Variants in CYP20A1 observed in about 807,000 individuals in gnomAD.
The protein encoded by CYP20A1 is cytochrome P450 family 20 subfamily A member 1, also known as cytochrome P450 20A1.
Under a neutral mutation model 61.4 loss-of-function variants are expected in CYP20A1, and 61 were observed. That is an observed-to-expected ratio of 0.99 (90% CI 0.81 to 1.23). CYP20A1 has a LOEUF of 1.23. Ranked by LOEUF, CYP20A1 falls within the 50% of genes most tolerant of loss-of-function variation. CYP20A1 has a pLI of 0.00. For missense variants in CYP20A1, 530 were observed against 542.4 expected (o/e 0.98, Z 0.23); for synonymous variants, 193 against 188.2 (o/e 1.03, Z -0.21).
Position 203,298,782 on chromosome 2 carries a change from C to G in CYP20A1, c.*1874C>G, listed in dbSNP as rs1320467588. Among the ~76,000 whole-genome samples the G allele has an allele frequency of 2.0e-5, 3 of 151,572 alleles. No individual in the cohort carries two copies. Among genetic ancestry groups the G allele is most frequent in the Non-Finnish European group, 4.4e-5 (3 of 67,932 alleles). On this transcript the variant is annotated 3_prime_UTR_variant, in exon 13 of 13. Coordinates refer to ENST00000356079, the MANE Select transcript of CYP20A1 (RefSeq NM_177538.3). ...GGGCACGGTAGCTCATGCCTGTTATCCTAACACTTTGGGAAGCCGACATGG... is the reference window on the plus strand; with the variant it reads ...GGGCACGGTAGCTCATGCCTGTTATGCTAACACTTTGGGAAGCCGACATGG...
rs1044293931 is a variant in CYP20A1, at chr2:203,304,062, A to G, written c.*7154A>G. 3.3e-5 allele frequency among the ~76,000 whole-genome samples: 5 copies of G among 151,904 alleles called. No individual in the cohort carries two copies. On this transcript the variant is annotated 3_prime_UTR_variant, in exon 13 of 13. Coordinates refer to ENST00000356079, the MANE Select transcript of CYP20A1 (RefSeq NM_177538.3). The stretch of plus-strand genomic sequence containing the variant: ...TGGGGAAACCGCATCTCTACTAAAA[A>G]TACAAAAATTAGTGGGTGTGGAGGC...
intron 1 of CYP20A1, among the ~76,000 whole-genome samples, chr2:203,243,654 G>A: frequency 6.6e-6 from 1 of 151,086 alleles, no homozygotes; most frequent in Non-Finnish European, 1.5e-5. Flanking sequence ...AAAGTACTGG[G>A]ATTACAGGTA....
At position 203,304,312 on chromosome 2, in the gene CYP20A1, C is replaced by T. The variant is rs2069140553; in HGVS notation, c.*7404C>T. 6.6e-6 allele frequency among the ~76,000 whole-genome samples: 1 copy of T among 152,162 alleles called. No homozygotes were observed. The highest frequency in any genetic ancestry group is 1.5e-5 in the Non-Finnish European group (1 of 68,020). ...TCCCCAGTTCAAGCGATTCTCCTGC[C>T]TCAGCCTCCCGAGTAGCTGCGACTA... is the stretch of plus-strand genomic sequence containing the variant. On this transcript the variant is annotated 3_prime_UTR_variant, in exon 13 of 13. Coordinates refer to ENST00000356079, the MANE Select transcript of CYP20A1 (RefSeq NM_177538.3).
At chr2:203,283,084 G>A (rs970499320) in intron 8 of CYP20A1, among the ~76,000 whole-genome samples, 1 of 151,866 alleles carries the variant, frequency 6.6e-6, no homozygotes, top group Admixed American at 6.6e-5. Flanking sequence ...GCTGAGGTGG[G>A]AGGATCAATT....
Position 203,302,978 on chromosome 2 carries a change from A to G in CYP20A1, c.*6070A>G, listed in dbSNP as rs916009728. On this transcript the variant is annotated 3_prime_UTR_variant, in exon 13 of 13. Coordinates refer to ENST00000356079, the MANE Select transcript of CYP20A1 (RefSeq NM_177538.3). ...AGTGCTGGGATTACAAGCATGAGCC[A>G]CCGCGCTCGGTCCCTTTCTTTTTAT... 6.6e-6 allele frequency among the ~76,000 whole-genome samples: 1 copy of G among 151,636 alleles called. No individual in the cohort carries two copies. Among genetic ancestry groups the G allele is most frequent in the Non-Finnish European group, 1.5e-5 (1 of 67,966 alleles).
chr2:203,248,735 C>T (rs187837062), intron 3 of CYP20A1, among the ~76,000 whole-genome samples: 6 of 152,246 alleles, frequency 3.9e-5, no homozygotes, highest in Admixed American at 1.3e-4. Context: ...CCCCCCGCCC[C>T]GCCCAGCTTT....
chr2:203,292,099 A>G (rs534243585), intron 10 of CYP20A1, among the ~76,000 whole-genome samples, 163 bp from the exon 11 acceptor site: 4 of 152,318 alleles, frequency 2.6e-5, no homozygotes, highest in African/African-American at 9.6e-5. Flanking sequence ...GGCCTTCCTC[A>G]TTGTAAGATC....
At position 203,303,684 on chromosome 2, in the gene CYP20A1, A is replaced by T. The variant is rs757318295; in HGVS notation, c.*6776A>T. Among the ~76,000 whole-genome samples the T allele has an allele frequency of 1.3e-5, 2 of 151,710 alleles. No homozygotes were observed. The highest frequency in any genetic ancestry group is 2.9e-5 in the Non-Finnish European group (2 of 67,922). On this transcript the variant is annotated 3_prime_UTR_variant, in exon 13 of 13. Transcript: ENST00000356079. Reference sequence around the variant, plus strand: ...CACTCCAGTGTGGGTGACGAGCGAAAATCCGTCTCAACCAAGAAAAAAGAA... The same window carrying T: ...CACTCCAGTGTGGGTGACGAGCGAATATCCGTCTCAACCAAGAAAAAAGAA...
Position 203,252,109 on chromosome 2 carries a change from G to A in CYP20A1, c.432G>A (p.Lys144=). ...AGAGTAACTTTGCCCTCCTCCTAAAGGTAAGGTGATAAGTAGTTTGGTCTA... is the reference window on the plus strand; with the variant it reads ...AGAGTAACTTTGCCCTCCTCCTAAAAGTAAGGTGATAAGTAGTTTGGTCTA... The part of the protein sequence containing the change: ...SLKSNFALLL[K]LSEELLDKWL... The change falls in exon 4 of 13, where the codon AAG becomes AAA. Residue 144 remains lysine (K), a splice_region_variant and synonymous_variant. Transcript: ENST00000356079. 2 of 1,604,034 alleles carry A rather than the reference G, an allele frequency of 1.2e-6. No individual in the cohort carries two copies. The highest frequency in any genetic ancestry group is 8.5e-7 in the Non-Finnish European group (1 of 1,174,470).
intron 6 of CYP20A1, among the ~76,000 whole-genome samples, chr2:203,273,269 G>A (rs1235393690): frequency 1.3e-5 from 2 of 152,170 alleles, no homozygotes; most frequent in Non-Finnish European, 2.9e-5. Flanking sequence ...TGAGAGTGTT[G>A]TAGAGCTGGT....
chr2:203,285,023 C>T (rs527274245), intron 8 of CYP20A1, among the ~76,000 whole-genome samples: 1 of 152,134 alleles, frequency 6.6e-6, no homozygotes, highest in South Asian at 2.1e-4. Context: ...GTGATCCCCT[C>T]CGTGTGATCC....
intron 8 of CYP20A1, among the ~76,000 whole-genome samples, chr2:203,283,406 C>T (rs752311163): frequency 3.3e-5 from 5 of 150,628 alleles, no homozygotes; most frequent in African/African-American, 9.8e-5. Flanking sequence ...TTAGTAGAGA[C>T]GAGGTTTCAC....
intron 6 of CYP20A1, among the ~76,000 whole-genome samples, chr2:203,274,382 C>T (rs1033966836): frequency 5.9e-5 from 9 of 151,908 alleles, no homozygotes; most frequent in Non-Finnish European, 1.2e-4. Flanking sequence ...GATGGGGTTT[C>T]GCCATGTTGG....
intron 4 of CYP20A1, among the ~76,000 whole-genome samples, chr2:203,257,860 C>T (rs769464607): frequency 3.5e-5 from 2 of 56,620 alleles, no homozygotes; most frequent in East Asian, 7.1e-4. Flanking sequence ...TATTTTGATA[C>T]AGACATACAA....
At chr2:203,240,606 C>G (rs1437435027) in intron 1 of CYP20A1, among the ~76,000 whole-genome samples, 1 of 152,118 alleles carries the variant, frequency 6.6e-6, no homozygotes. Context: ...TGAGTAGAAA[C>G]GCGAAGAAGG....
Position 203,304,672 on chromosome 2 carries a change from A to C in CYP20A1, c.*7764A>C, listed in dbSNP as rs1483030661. 6.6e-6 allele frequency among the ~76,000 whole-genome samples: 1 copy of C among 152,200 alleles called. No homozygotes were observed. Among genetic ancestry groups the C allele is most frequent in the Non-Finnish European group, 1.5e-5 (1 of 68,044 alleles). On this transcript the variant is annotated 3_prime_UTR_variant, in exon 13 of 13. Coordinates refer to ENST00000356079, the MANE Select transcript of CYP20A1 (RefSeq NM_177538.3). ...ATTTTCCAGCTGGGTGTGGTGGCTC[A>C]TGCCTGTAATCCCAACACTTGGAGA...
intron 4 of CYP20A1, among the ~76,000 whole-genome samples, chr2:203,253,552 AC>A (rs1401458940): frequency 2.0e-5 from 3 of 152,252 alleles, no homozygotes; most frequent in African/African-American, 7.2e-5. Flanking sequence ...AAAAAACTAA[AC>A]ATTGAACAAA....
In CYP20A1 at chr2:203,300,849, A is replaced by G. The variant is rs942124883; in HGVS notation, c.*3941A>G. 1.5e-5 allele frequency among the ~76,000 whole-genome samples: 2 copies of G among 135,920 alleles called. No individual in the cohort carries two copies. The highest frequency in any genetic ancestry group is 5.4e-5 in the African/African-American group (2 of 36,750). The allele number at this position is 135,920 out of a possible 152,430, so 89.2% of individuals were successfully genotyped here. The stretch of plus-strand genomic sequence containing the variant: ...GGTTGCGATGAGCCGAGATCGTGCC[A>G]TTGCACTCCAGCCTGGGCAATAAGA... On this transcript the variant is annotated 3_prime_UTR_variant, in exon 13 of 13. Coordinates refer to ENST00000356079, the MANE Select transcript of CYP20A1 (RefSeq NM_177538.3).
At chr2:203,270,737 T>G (rs931125415) in intron 5 of CYP20A1, among the ~76,000 whole-genome samples, 1 of 128,676 alleles carries the variant, frequency 7.8e-6, no homozygotes, top group South Asian at 2.3e-4. Flanking sequence ...TTTTTTTTTC[T>G]TTTTTTTTTT....
Sources: allele counts gnomAD v4.1 joint callset (sites outside exome capture counted in the v4.1 genomes callset), GRCh38; gene constraint gnomAD v4.1.1; transcripts MANE v1.5; gene names NCBI Gene and HGNC (gene_info 2026-07-23, HGNC 2026-07-21).